The following TSHZ3 variants were observed in gnomAD, a reference collection of about 807,000 sequenced individuals.
TSHZ3 encodes teashirt homolog 3.
Under a neutral mutation model 64.5 loss-of-function variants are expected in TSHZ3, and 10 were observed. The observed-to-expected ratio is 0.16, with a 90% CI of 0.10 to 0.26. The LOEUF is 0.26. TSHZ3 is among the 10% of genes least tolerant of loss of function. The probability of loss-of-function intolerance (pLI) is 1.00; values close to 1 mark genes in which losing one functional copy is unlikely to be tolerated. For missense variants in TSHZ3, 1,242 were observed against 1,421.7 expected, an observed-to-expected ratio of 0.87 and a Z score of 2.03; for synonymous variants, 608 against 593.1, an observed-to-expected ratio of 1.03 and a Z score of -0.36.
chr19:31,276,921 G>A lies in TSHZ3; in HGVS notation c.2872C>T (p.Arg958Ter), dbSNP rs1199726840. 3 of 1,614,068 alleles carry A rather than the reference G, an allele frequency of 1.9e-6. No homozygotes were observed. The highest frequency in any genetic ancestry group is 1.1e-5 in the South Asian group (1 of 91,082). The change falls in exon 2 of 2, where the codon CGA becomes TGA. Residue 958 changes from arginine (R) to a stop codon, truncating the protein, a stop_gained. Coordinates refer to ENST00000240587, the MANE Select transcript of TSHZ3 (RefSeq NM_020856.4). LOFTEE classifies it high-confidence loss of function. ...HWLANVKYQL[R>*]RTGGTKFLKN... ...AGGAACTTTGTTCCACCTGTCCTTC[G>A]AAGCTGGTATTTCACGTTGGCCAGC...
At chr19:31,156,879 G>A (rs566996056) in intron 5 of TSHZ3, among the ~76,000 whole-genome samples, 58 of 152,208 alleles carry the variant, frequency 3.8e-4, no homozygotes, top group Non-Finnish European at 7.1e-4. Context: ...AAAAAGTTAC[G>A]GCACTGAGAA....
At chr19:31,292,476 A>T (rs185581381) in intron 1 of TSHZ3, among the ~76,000 whole-genome samples, 226 of 151,150 alleles carry the variant, frequency 1.5e-3, no homozygotes, top group Middle Eastern at 3.4e-3. Context: ...AAACATGTAC[A>T]ACTCAAACTG....
At chr19:31,150,261 TG>T (rs1302064788) in exon 7 of TSHZ3, among the ~76,000 whole-genome samples, 3 of 152,250 alleles carry the variant, frequency 2.0e-5, no homozygotes, top group African/African-American at 7.2e-5. Flanking sequence ...GCCCGTGTGC[TG>T]GGAGCCAGTC....
chr19:31,223,121 G>A (rs1555727693), intron 4 of TSHZ3, among the ~76,000 whole-genome samples: 1 of 152,130 alleles, frequency 6.6e-6, no homozygotes, highest in Non-Finnish European at 1.5e-5. Context: ...GTTTCTCTTG[G>A]ACATCTGAGC....
At chr19:31,266,564 C>T (rs1200390362) in intron 1 of TSHZ3, among the ~76,000 whole-genome samples, 2 of 152,122 alleles carry the variant, frequency 1.3e-5, no homozygotes, top group Non-Finnish European at 2.9e-5. Context: ...TTAACACGAC[C>T]CTTTTCATCC....
intron 1 of TSHZ3, among the ~76,000 whole-genome samples, chr19:31,282,558 C>A (rs1256594743): frequency 6.6e-6 from 1 of 152,092 alleles, no homozygotes; most frequent in Non-Finnish European, 1.5e-5. Context: ...GCCTTCCCCA[C>A]CCCCACTGCA....
chr19:31,309,712 C>T (rs894869648), intron 1 of TSHZ3, among the ~76,000 whole-genome samples: 4 of 152,196 alleles, frequency 2.6e-5, no homozygotes, highest in Non-Finnish European at 5.9e-5. Flanking sequence ...AGAGGAATGA[C>T]GGCTCCTAAG....
In TSHZ3 at chr19:31,279,908, A is replaced by G. The variant is rs565542217; in HGVS notation, c.41-156T>C. The stretch of plus-strand genomic sequence containing the variant: ...AAAACACAGCAACCCAGATGGGTAC[A>G]TGTATTTGTAAAATTAAACAGTTAA... On this transcript the variant is annotated intron_variant, in intron 1 of 1. Coordinates refer to ENST00000240587, the MANE Select transcript of TSHZ3 (RefSeq NM_020856.4). The surrounding 1 kb of genome is among the most constrained non-coding windows in gnomAD (Gnocchi z 6.4). 1.8e-4 allele frequency among the ~76,000 whole-genome samples: 27 copies of G among 151,922 alleles called. No individual in the cohort carries two copies. The highest frequency in any genetic ancestry group is 3.8e-4 in the Non-Finnish European group (26 of 67,990).
At chr19:31,235,810 G>C (rs1975607332) in intron 3 of TSHZ3, among the ~76,000 whole-genome samples, 1 of 145,104 alleles carries the variant, frequency 6.9e-6, no homozygotes, top group African/African-American at 2.6e-5. Flanking sequence ...TCCTGGGTTT[G>C]AACAATTCTC....
intron 1 of TSHZ3, among the ~76,000 whole-genome samples, chr19:31,313,510 C>T (rs1916517802): frequency 6.6e-6 from 1 of 152,144 alleles, no homozygotes; most frequent in Admixed American, 6.5e-5. Flanking sequence ...ACTAGGGTGG[C>T]CACGCTCCTG....
chr19:31,204,451 G>T (rs1273027997), intron 5 of TSHZ3, among the ~76,000 whole-genome samples: 2 of 151,116 alleles, frequency 1.3e-5, no homozygotes, highest in African/African-American at 4.9e-5. Flanking sequence ...TCCCCTTTTT[G>T]GGGGAGGGGT....
intron 4 of TSHZ3, among the ~76,000 whole-genome samples, chr19:31,222,355 T>A (rs961021950): frequency 1.8e-4 from 28 of 152,188 alleles, no homozygotes; most frequent in Non-Finnish European, 3.5e-4. Flanking sequence ...TGTGACCAGA[T>A]GTTATTTTCA....
chr19:31,183,184 C>A (rs1351471938), intron 5 of TSHZ3, among the ~76,000 whole-genome samples: 1 of 70,540 alleles, frequency 1.4e-5, no homozygotes, highest in East Asian at 4.4e-4. Flanking sequence ...GAGATTCTCT[C>A]TCTCTCTCTC....
chr19:31,225,914 G>A (rs1010990632), intron 4 of TSHZ3, among the ~76,000 whole-genome samples: 25 of 152,244 alleles, frequency 1.6e-4, no homozygotes, highest in African/African-American at 6.0e-4. Flanking sequence ...ATTGCTTGAG[G>A]ACAGGGGTTT....
intron 5 of TSHZ3, among the ~76,000 whole-genome samples, chr19:31,168,262 C>T (rs1050465122): frequency 3.3e-5 from 5 of 152,052 alleles, no homozygotes; most frequent in African/African-American, 1.2e-4. Flanking sequence ...AATACGCGTA[C>T]GCACCAGCCA....
rs116519927 is a variant in TSHZ3, at chr19:31,168,817, G to A, written n.810-12400C>T. On this transcript the variant is annotated intron_variant and non_coding_transcript_variant, in intron 5 of 6. Transcript: ENST00000651361. The stretch of plus-strand genomic sequence containing the variant: ...CCTGGGCCAGCTGGTCTTGAGCCCC[G>A]TAGGACGTAGTCTGTGGCCTGCTGC... Among the ~76,000 whole-genome samples, 531 of 152,298 alleles carry A rather than the reference G, an allele frequency of 3.5e-3. 6 individuals carry two copies. Among genetic ancestry groups the A allele is most frequent in the African/African-American group, 0.012 (481 of 41,568 alleles).
chr19:31,349,408 G>T lies in TSHZ3; in HGVS notation c.-189C>A. 1 of 433,618 alleles carries T rather than the reference G, an allele frequency of 2.3e-6. No homozygotes were observed. Among genetic ancestry groups the T allele is most frequent in the African/African-American group, 2.1e-5 (1 of 48,064 alleles). The allele number at this position is 433,618 out of a possible 1,614,324, so 26.9% of individuals were successfully genotyped here. ...CGTCCCCCCCGCGCCGCGCTCCGCC[G>T]CGAACCCCGAACGTGCGGAGGGAAG... On this transcript the variant is annotated 5_prime_UTR_variant, in exon 1 of 2. Coordinates refer to ENST00000240587, the MANE Select transcript of TSHZ3 (RefSeq NM_020856.4).
At chr19:31,294,132 G>A (rs1328853001) in intron 1 of TSHZ3, among the ~76,000 whole-genome samples, 2 of 152,162 alleles carry the variant, frequency 1.3e-5, no homozygotes, top group Non-Finnish European at 2.9e-5. Context: ...CCTCAGAAAA[G>A]TTTAGCCCTA....
At chr19:31,350,278 G>C (rs2145210298), upstream of TSHZ3, among the ~76,000 whole-genome samples, 1 of 150,398 alleles carries the variant, frequency 6.6e-6, no homozygotes, top group South Asian at 2.1e-4. Context: ...TCCTCCCCCA[G>C]GACCCGCCGT....
Sources: gnomAD v4.1 joint callset for allele counts (sites outside exome capture counted in the v4.1 genomes callset) on GRCh38, gnomAD v4.1.1 for gene constraint, Gnocchi (gnomAD v3.1) non-coding constraint, MANE v1.5 for transcripts, NCBI Gene and HGNC (gene_info 2026-07-23, HGNC 2026-07-21) for gene names.